Variants in PIGZ observed in about 807,000 individuals in gnomAD.
PIGZ encodes phosphatidylinositol glycan anchor biosynthesis class Z (Gwada blood group), also known as GPI alpha-1,2-mannosyltransferase 4.
Under a neutral mutation model 16.4 loss-of-function variants are expected in PIGZ, and 16 were observed. The observed-to-expected ratio is 0.97, with a 90% confidence interval of 0.66 to 1.48. The LOEUF (loss-of-function observed/expected upper bound fraction) is 1.48. PIGZ is among the 40% of genes most tolerant of loss of function. The pLI is 0.00. For synonymous variants in PIGZ, 409 were observed against 338.4 expected, an observed-to-expected ratio of 1.21 and a Z score of -2.29; for missense variants, 770 against 739.2, an observed-to-expected ratio of 1.04 and a Z score of -0.48.
chr3:196,948,546 A>G lies in PIGZ; in HGVS notation c.351T>C (p.Pro117=), dbSNP rs1257509862. The change falls in exon 3 of 3, where the codon CCT becomes CCC. Residue 117 remains proline (P), a synonymous_variant. Coordinates refer to ENST00000412723, the MANE Select transcript of PIGZ (RefSeq NM_025163.4). The stretch of plus-strand genomic sequence containing the variant: ...GCAGCGCATAGCCGCTCACCAGGCC[A>G]GGCCACGGCCCCAGCTCCTCCCAGA... The part of the protein sequence containing the change: ...LRLWEELGPW[P]GLVSGYALLV... 5.6e-6 allele frequency: 9 copies of G among 1,606,306 alleles called. No individual in the cohort carries two copies. The highest frequency in any genetic ancestry group is 1.7e-5 in the Admixed American group (1 of 58,890).
intron 2 of PIGZ, among the ~76,000 whole-genome samples, chr3:196,949,248 T>C (rs546834393): frequency 1.4e-4 from 22 of 152,042 alleles, no homozygotes; most frequent in African/African-American, 5.1e-4. Flanking sequence ...GACTGTATCC[T>C]GAGATTAGGT....
chr3:196,947,595 G>A lies in PIGZ; in HGVS notation c.1302C>T (p.Gly434=). The A allele has an allele frequency of 3.7e-6, 6 of 1,613,692 alleles. No homozygotes were observed. Among genetic ancestry groups the A allele is most frequent in the Non-Finnish European group, 5.1e-6 (6 of 1,179,846 alleles). The part of the protein sequence containing the change: ...ALLFGCLHQG[G]LVPGLEYLEQ... ...CCAGGTACTCCAGGCCAGGCACCAGGCCCCCCTGATGCAGGCAGCCGAAGA... is the reference window on the plus strand; with the variant it reads ...CCAGGTACTCCAGGCCAGGCACCAGACCCCCCTGATGCAGGCAGCCGAAGA... Residue 434 remains glycine (G), a synonymous_variant, in exon 3 of 3, where the codon GGC becomes GGT. Coordinates refer to ENST00000412723, the MANE Select transcript of PIGZ (RefSeq NM_025163.4).
Position 196,946,842 on chromosome 3 carries a change from C to T in PIGZ, c.*315G>A. ...AGCAGTTCATTGTCTTTTTTCACAA[C>T]CAGGTACTATCACATATTTCAAACA... On this transcript the variant is annotated 3_prime_UTR_variant, in exon 3 of 3. Coordinates refer to ENST00000412723, the MANE Select transcript of PIGZ (RefSeq NM_025163.4). 1 of 279,390 alleles carries T rather than the reference C, an allele frequency of 3.6e-6. No homozygotes were observed. The highest frequency in any genetic ancestry group is 1.1e-3 in the Middle Eastern group (1 of 944). The allele number at this position is 279,390 out of a possible 1,614,324, so 17.3% of individuals were successfully genotyped here.
chr3:196,956,727 G>A (rs1717504748), intron 1 of PIGZ, among the ~76,000 whole-genome samples: 1 of 152,102 alleles, frequency 6.6e-6, no homozygotes, highest in Non-Finnish European at 1.5e-5. Context: ...CCTTTCAGCT[G>A]TATCTAGATG....
chr3:196,964,353 A>C (rs1717844369), intron 1 of PIGZ, among the ~76,000 whole-genome samples: 1 of 151,256 alleles, frequency 6.6e-6, no homozygotes, highest in South Asian at 2.1e-4. Context: ...CCGGCCTAGC[A>C]CTACCATTTT....
At chr3:196,959,312 A>G (rs968300575) in intron 1 of PIGZ, among the ~76,000 whole-genome samples, 2 of 152,234 alleles carry the variant, frequency 1.3e-5, no homozygotes, top group African/African-American at 2.4e-5. Flanking sequence ...TTTTGTCTCT[A>G]TAAGGGATGT....
At chr3:196,968,327 GGGCCTCCCTGAGAACACT>G (rs1299685358) in intron 1 of PIGZ, among the ~76,000 whole-genome samples, 2 of 152,256 alleles carry the variant, frequency 1.3e-5, no homozygotes, top group Non-Finnish European at 1.5e-5. Context: ...GTCGGGTTAT[GGGCCTCCCTGAGAACACT>G]GGCCTCTAGC....
intron 1 of PIGZ, among the ~76,000 whole-genome samples, chr3:196,956,133 T>C (rs1365369988): frequency 1.3e-5 from 2 of 152,304 alleles, no homozygotes; most frequent in African/African-American, 4.8e-5. Flanking sequence ...CATTTCTTTT[T>C]ATTTATTATA....
At chr3:196,957,505 C>T (rs1203491239) in intron 1 of PIGZ, among the ~76,000 whole-genome samples, 1 of 151,904 alleles carries the variant, frequency 6.6e-6, no homozygotes, top group African/African-American at 2.4e-5. Context: ...GCCTCAGCCT[C>T]TTGAGTAGCT....
rs2108897671 is a variant in PIGZ, at chr3:196,948,631, G to A, written c.266C>T (p.Ser89Phe). The A allele has an allele frequency of 1.3e-6, 2 of 1,495,766 alleles. No individual in the cohort carries two copies. Among genetic ancestry groups the A allele is most frequent in the Non-Finnish European group, 1.8e-6 (2 of 1,126,372 alleles). 92.7% of individuals were successfully genotyped at this position (1,495,766 alleles called of 1,614,324 possible). The change falls in exon 3 of 3, where the codon TCC becomes TTC. Residue 89 changes from serine to phenylalanine, a missense_variant. Transcript: ENST00000412723. ...CAGGGGGAAGAGCACCGAGCGGCAG[G>A]AGCTGCTGGGGTAAAACTCCCAGGG... ...ARPWEFYPSSSCRSVLFPLLI... is the reference protein window; with the variant it reads ...ARPWEFYPSSFCRSVLFPLLI...
intron 1 of PIGZ, among the ~76,000 whole-genome samples, chr3:196,954,416 T>C (rs753133049): frequency 1.3e-5 from 2 of 152,274 alleles, no homozygotes; most frequent in Non-Finnish European, 2.9e-5. Flanking sequence ...AAACTGATTT[T>C]TATTCCTAAT....
chr3:196,966,218 C>G (rs1717919367), intron 1 of PIGZ, among the ~76,000 whole-genome samples: 2 of 152,300 alleles, frequency 1.3e-5, no homozygotes, highest in Non-Finnish European at 2.9e-5. Flanking sequence ...ATCAGGTAAC[C>G]CGGTTCAAGT....
intron 1 of PIGZ, among the ~76,000 whole-genome samples, chr3:196,952,639 T>G (rs1717335060): frequency 6.6e-6 from 1 of 152,216 alleles, no homozygotes; most frequent in Admixed American, 6.5e-5. Flanking sequence ...GGTTTCATCA[T>G]GTTGGTGAGG....
At chr3:196,952,533 G>T (rs987050495) in intron 1 of PIGZ, among the ~76,000 whole-genome samples, 4 of 152,162 alleles carry the variant, frequency 2.6e-5, no homozygotes, top group African/African-American at 9.7e-5. Context: ...CACCTCCCAG[G>T]TTCAAGTGAT....
chr3:196,963,551 C>T (rs1395976429), intron 1 of PIGZ, among the ~76,000 whole-genome samples: 1 of 152,176 alleles, frequency 6.6e-6, no homozygotes, highest in Non-Finnish European at 1.5e-5. Context: ...AAATCTTTTC[C>T]AGAAGTTCAC....
At position 196,947,034 on chromosome 3, in the gene PIGZ, A is replaced by G. The variant is rs1365253966; in HGVS notation, c.*123T>C. 1.3e-6 allele frequency: 1 copy of G among 795,518 alleles called. No individual in the cohort carries two copies. The highest frequency in any genetic ancestry group is 1.7e-5 in the African/African-American group (1 of 57,830). 49.3% of individuals were successfully genotyped at this position (795,518 alleles called of 1,614,324 possible). ...GCTAACAGCCATGCCCAGGAGAGGC[A>G]GCAGTGGGAGTCATGAAGGAGGACG... On this transcript the variant is annotated 3_prime_UTR_variant, in exon 3 of 3. Transcript: ENST00000412723.
At chr3:196,956,643 A>G (rs1717500501) in intron 1 of PIGZ, among the ~76,000 whole-genome samples, 2 of 152,138 alleles carry the variant, frequency 1.3e-5, no homozygotes, top group South Asian at 4.1e-4. Context: ...GTTCTATTTC[A>G]TATTTTCCAT....
intron 1 of PIGZ, among the ~76,000 whole-genome samples, chr3:196,958,564 G>A (rs1717590160): frequency 6.6e-6 from 1 of 152,246 alleles, no homozygotes; most frequent in Admixed American, 6.5e-5. Flanking sequence ...CTGGGAGGCG[G>A]AGTTTGCAGT....
In PIGZ at chr3:196,955,174, C is replaced by T. The variant is rs529033046; in HGVS notation, c.1-3143G>A. Among the ~76,000 whole-genome samples, 25 of 152,354 alleles carry T rather than the reference C, an allele frequency of 1.6e-4. No individual in the cohort carries two copies. The South Asian group carries it at 5.2e-3, about 32-fold the overall frequency. On this transcript the variant is annotated intron_variant, in intron 1 of 2. Coordinates refer to ENST00000412723, the MANE Select transcript of PIGZ (RefSeq NM_025163.4). ...CTCCTGCGTTCAAGCAATCCTCCCA[C>T]CTTGGCCTCCCAAAGTGCTCGGATT...
Sources: allele counts gnomAD v4.1 joint callset (sites outside exome capture counted in the v4.1 genomes callset), GRCh38; gene constraint gnomAD v4.1.1; transcripts MANE v1.5; gene names NCBI Gene and HGNC (gene_info 2026-07-23, HGNC 2026-07-21).